The following ADGRG6 variants were observed in gnomAD, a reference collection of about 807,000 sequenced individuals.
ADGRG6 encodes the protein G-protein coupled receptor 126.
In ADGRG6, 84 loss-of-function variants were observed where a neutral mutation model predicts 142.4. The observed-to-expected ratio is 0.59, with a 90% CI of 0.49 to 0.71. ADGRG6 has a LOEUF of 0.71. ADGRG6 is among the 30% of genes least tolerant of loss of function. The pLI, the probability that ADGRG6 is intolerant of heterozygous loss-of-function variation, is 0.00. For missense variants in ADGRG6, 1,367 were observed against 1,466.6 expected (o/e 0.93, Z 1.11); for synonymous variants, 521 against 520.5 (o/e 1.00, Z -0.01).
chr6:142,334,923 T>A (rs1779241090), intron 2 of ADGRG6, among the ~76,000 whole-genome samples: 2 of 152,210 alleles, frequency 1.3e-5, no homozygotes, highest in South Asian at 4.1e-4. Flanking sequence ...ATAAGATTTT[T>A]TGAAAGCCAT....
At chr6:142,362,548 TG>T (rs1780774533) in intron 2 of ADGRG6, among the ~76,000 whole-genome samples, 1 of 152,008 alleles carries the variant, frequency 6.6e-6, no homozygotes, top group Non-Finnish European at 1.5e-5. Flanking sequence ...GTGAGGGTGG[TG>T]GGGATGCTTG....
At chr6:142,378,382 C>G (rs1457931652) in intron 4 of ADGRG6, among the ~76,000 whole-genome samples, 1 of 152,160 alleles carries the variant, frequency 6.6e-6, no homozygotes, top group Non-Finnish European at 1.5e-5. Flanking sequence ...TCCAGGGTCT[C>G]CTCTATTGCA....
chr6:142,305,391 G>A (rs1365181458), intron 1 of ADGRG6, among the ~76,000 whole-genome samples: 2 of 139,250 alleles, frequency 1.4e-5, no homozygotes, highest in African/African-American at 2.8e-5. Context: ...AATCATTCCC[G>A]TTCCTCCTTT....
rs1483805631 is a variant in ADGRG6, at chr6:142,419,926, C to G, written c.3141C>G (p.Ile1047Met). The change falls in exon 22 of 25, where the codon ATC becomes ATG. Residue 1047 changes from isoleucine (I) to methionine (M), a missense_variant. Physicochemically the swap from Ile to Met is conservative, Grantham distance 10 (BLOSUM62 1). Around this residue, in one of 3 missense-constraint regions of ADGRG6, gnomAD observed 344 missense variants for 348.7 expected, o/e 0.99. Coordinates refer to ENST00000367609, the MANE Select transcript of ADGRG6 (RefSeq NM_198569.3). ...IAMFIVVMVQICGRNGKRSNR... is the reference protein window; with the variant it reads ...IAMFIVVMVQMCGRNGKRSNR... ...TGTTCATTGTGGTAATGGTGCAGAT[C>G]TGTGGGAGGAATGGCAAGAGAAGCA... The G allele has an allele frequency of 6.2e-7, 1 of 1,613,156 alleles. No individual in the cohort carries two copies. The highest frequency in any genetic ancestry group is 1.3e-5 in the African/African-American group (1 of 74,786).
chr6:142,416,011 T>G lies in ADGRG6; in HGVS notation c.2885T>G (p.Val962Gly). The G allele has an allele frequency of 6.2e-7, 1 of 1,610,724 alleles. No homozygotes were observed. Among genetic ancestry groups the G allele is most frequent in the Non-Finnish European group, 8.5e-7 (1 of 1,177,094 alleles). Residue 962 changes from valine to glycine, a missense_variant, in exon 20 of 25, where the codon GTA becomes GGA. Physicochemically the swap from Val to Gly is moderately radical, Grantham distance 109. This residue lies in a region of ADGRG6 where 344 missense variants were observed against 348.7 expected (regional missense o/e 0.99). Coordinates refer to ENST00000367609, the MANE Select transcript of ADGRG6 (RefSeq NM_198569.3). ...AIHMYIALVK[V>G]FNTYIRRYIL... is the part of the protein sequence containing the mutation. ...CACATGTACATTGCTCTAGTTAAAGTATTTAACACTTACATTCGCCGATAC... is the reference window on the plus strand; with the variant it reads ...CACATGTACATTGCTCTAGTTAAAGGATTTAACACTTACATTCGCCGATAC...
intron 2 of ADGRG6, among the ~76,000 whole-genome samples, chr6:142,311,241 A>G (rs1265818997): frequency 6.6e-6 from 1 of 151,880 alleles, no homozygotes; most frequent in African/African-American, 2.4e-5. Context: ...ACTCTCTCAC[A>G]CAAGATTTTC....
At chr6:142,400,265 T>C (rs928420059) in intron 10 of ADGRG6, among the ~76,000 whole-genome samples, 1 of 152,206 alleles carries the variant, frequency 6.6e-6, no homozygotes, top group Admixed American at 6.5e-5. Context: ...TTTTGTCCAA[T>C]GTAATGATTT....
chr6:142,433,300 C>T (rs1777302225), intron 22 of ADGRG6, among the ~76,000 whole-genome samples: 2 of 152,204 alleles, frequency 1.3e-5, no homozygotes, highest in South Asian at 4.1e-4. Context: ...CTGCCACCCT[C>T]TCTTCAAAAC....
At chr6:142,345,041 A>C (rs568120715) in intron 2 of ADGRG6, among the ~76,000 whole-genome samples, 2 of 152,172 alleles carry the variant, frequency 1.3e-5, no homozygotes, top group South Asian at 4.1e-4. Flanking sequence ...AAAGGTCAGA[A>C]TTGTGGGTCA....
chr6:142,440,999 A>G (rs1475660098), intron 24 of ADGRG6: 2 of 961,360 alleles, frequency 2.1e-6, no homozygotes, highest in Non-Finnish European at 3.1e-6. Context: ...TTTGCAAGGT[A>G]ATAAGAGAAT....
chr6:142,439,882 G>A (rs1267943146), intron 24 of ADGRG6, among the ~76,000 whole-genome samples: 8 of 152,152 alleles, frequency 5.3e-5, no homozygotes, highest in East Asian at 1.9e-4. Flanking sequence ...TGGTGGTTCC[G>A]TGGCACAAAA....
intron 18 of ADGRG6, 147 bp downstream of exon 18, chr6:142,411,558 A>G: frequency 1.8e-6 from 1 of 558,604 alleles, no homozygotes; most frequent in South Asian, 2.4e-5. Flanking sequence ...CTTAATAAAG[A>G]ATCTAATTAG....
chr6:142,308,483 A>C (rs756136809), intron 1 of ADGRG6, among the ~76,000 whole-genome samples: 18 of 152,088 alleles, frequency 1.2e-4, no homozygotes, highest in Non-Finnish European at 2.1e-4. Context: ...TTTTCTGTTT[A>C]GTATTACACA....
intron 22 of ADGRG6, among the ~76,000 whole-genome samples, chr6:142,423,052 A>C (rs528627464): frequency 8.6e-5 from 13 of 150,768 alleles, no homozygotes; most frequent in Admixed American, 5.3e-4. Flanking sequence ...TTCATTGTAG[A>C]TTCTGGATAT....
Position 142,373,422 on chromosome 6 carries a change from G to T in ADGRG6, c.1069+2629G>T, listed in dbSNP as rs75227682. Among the ~76,000 whole-genome samples, 1,461 of 152,296 alleles carry T rather than the reference G, an allele frequency of 9.6e-3. 22 individuals are homozygous for T. The highest frequency in any genetic ancestry group is 0.059 in the East Asian group (305 of 5,188). ...TATTTGTTTCCCACAATACTTCCTG[G>T]ATACCTAACTATGAAAAAGTATGAT... On this transcript the variant is annotated intron_variant, in intron 4 of 24. Transcript: ENST00000367609.
intron 2 of ADGRG6, among the ~76,000 whole-genome samples, chr6:142,367,039 TA>T (rs1780972772): frequency 6.6e-6 from 1 of 152,206 alleles, no homozygotes; most frequent in Non-Finnish European, 1.5e-5. Context: ...GATAGCTCAT[TA>T]TTTTTTTGTA....
At chr6:142,422,651 ATGATT>A (rs1471413850) in intron 22 of ADGRG6, among the ~76,000 whole-genome samples, 25 of 149,490 alleles carry the variant, frequency 1.7e-4, no homozygotes, top group Admixed American at 3.4e-4. Context: ...TTATAGCAGC[ATGATT>A]TATAGTCCTT....
intron 24 of ADGRG6, 74 bp downstream of exon 24, chr6:142,438,438 G>T: frequency 1.0e-6 from 1 of 1,000,218 alleles, no homozygotes; most frequent in South Asian, 1.8e-5. Flanking sequence ...CATGAAGATT[G>T]ATAAATCACA....
rs1445227461 is a variant in ADGRG6 at position 142,403,789 on chromosome 6, G to A, written c.1956-13G>A. 2 of 1,525,536 alleles carry A rather than the reference G, an allele frequency of 1.3e-6. No individual in the cohort carries two copies. The highest frequency in any genetic ancestry group is 1.8e-6 in the Non-Finnish European group (2 of 1,131,268). 94.5% of individuals were successfully genotyped at this position (1,525,536 alleles called of 1,614,324 possible). On this transcript the variant is annotated splice_polypyrimidine_tract_variant and intron_variant, in intron 13 of 24. Coordinates refer to ENST00000367609, the MANE Select transcript of ADGRG6 (RefSeq NM_198569.3). ...ATATTACTTAATAGTGGCATTTTTT[G>A]TCGTTACTTTAGAGCTTTAAAAACA...
Sources: gnomAD v4.1 joint callset for allele counts (sites outside exome capture counted in the v4.1 genomes callset) on GRCh38, gnomAD v4.1.1 for gene constraint, gnomAD v4.1.1 regional missense constraint, MANE v1.5 for transcripts, NCBI Gene and HGNC (gene_info 2026-07-23, HGNC 2026-07-21) for gene names.